SASS6: variants seen among roughly 807,000 people sequenced by gnomAD.
SASS6 encodes SAS-6 centriolar assembly protein.
A neutral mutation model predicts 94.9 loss-of-function variants in SASS6; 59 were observed. The ratio of observed to expected loss-of-function variants is 0.62; its 90% CI spans 0.50 to 0.77. SASS6 has a LOEUF of 0.77. Among genes scored for constraint, SASS6 ranks in the 30% least tolerant of loss-of-function variants. SASS6 has a pLI of 0.00. For synonymous variants in SASS6, 264 were observed against 270.0 expected, an observed-to-expected ratio of 0.98 and a Z score of 0.22; for missense variants, 698 against 734.1, an observed-to-expected ratio of 0.95 and a Z score of 0.57.
chr1:100,122,666 C>A (rs1654293751), intron 3 of SASS6, among the ~76,000 whole-genome samples, 182 bp from the exon 4 acceptor site: 1 of 145,594 alleles, frequency 6.9e-6, no homozygotes, highest in Non-Finnish European at 1.5e-5. Flanking sequence ...GATTCTCCTT[C>A]CTCAGCCTCC....
At chr1:100,125,594 G>A (rs1186263904) in intron 2 of SASS6, among the ~76,000 whole-genome samples, 2 of 143,086 alleles carry the variant, frequency 1.4e-5, no homozygotes, top group Non-Finnish European at 3.0e-5. Context: ...CAGGAGAATT[G>A]TTTGAACCCG....
At chr1:100,099,888 T>C (rs1392051683) in intron 14 of SASS6, among the ~76,000 whole-genome samples, 1 of 152,090 alleles carries the variant, frequency 6.6e-6, no homozygotes, top group Non-Finnish European at 1.5e-5. Context: ...AAAAGATAAA[T>C]CAATCATCTG....
Position 100,122,439 on chromosome 1 carries a change from TG to T in SASS6, c.251del (p.Pro84HisfsTer5). On this transcript the variant is annotated frameshift_variant, in exon 4 of 17. Transcript: ENST00000287482. LOFTEE classifies it high-confidence loss of function. The part of the protein sequence containing the change: ...QGLLVDFLAF[P>X]QKFIDLLQQC... ...GCTGAAGGAGATCTATAAATTTTTG[TG>T]GGAAAGCTAAGAAGTCTACCAGAAG... 1 of 1,589,122 alleles carries T rather than the reference TG, an allele frequency of 6.3e-7. No individual in the cohort carries two copies. The highest frequency in any genetic ancestry group is 8.6e-7 in the Non-Finnish European group (1 of 1,158,594).
chr1:100,128,090 G>A (rs934443062), intron 1 of SASS6, among the ~76,000 whole-genome samples: 5 of 152,018 alleles, frequency 3.3e-5, no homozygotes, highest in African/African-American at 1.2e-4. Flanking sequence ...AGTCTGGAGT[G>A]CAATGGTGCG....
At position 100,128,030 on chromosome 1, in the gene SASS6, A is replaced by ATTAT. The variant is rs546781592; in HGVS notation, c.66-2092_66-2089dup. 2.4e-4 allele frequency among the ~76,000 whole-genome samples: 36 copies of ATTAT among 151,600 alleles called. 1 individual carries two copies. The highest frequency in any genetic ancestry group is 1.0e-3 in the South Asian group (5 of 4,792). On this transcript the variant is annotated intron_variant, in intron 1 of 16. Transcript: ENST00000287482. ...TGCTTTACAGTTTATTTTTATTTTA[A>ATTAT]TTATTTATTTATTTATTTATTTTTG... is the stretch of plus-strand genomic sequence containing the variant.
At chr1:100,100,863 T>G (rs755397095) in intron 14 of SASS6, among the ~76,000 whole-genome samples, 8 of 152,230 alleles carry the variant, frequency 5.3e-5, no homozygotes, top group Non-Finnish European at 8.8e-5. Flanking sequence ...AAAGTGGGTC[T>G]TTGAGTCGGG....
chr1:100,084,266 T>C lies in SASS6; in HGVS notation c.*1062A>G, dbSNP rs1192422714. 6.6e-6 allele frequency: 1 copy of C among 152,052 alleles called. No individual in the cohort carries two copies. Among genetic ancestry groups the C allele is most frequent in the East Asian group, 1.9e-4 (1 of 5,204 alleles). 9.4% of individuals were successfully genotyped at this position (152,052 alleles called of 1,614,324 possible). ...AGTAGTTGAAAATAATTTTAAATTA[T>C]CACATGAGCATTAGTACTTTATAAA... On this transcript the variant is annotated 3_prime_UTR_variant, in exon 17 of 17. Coordinates refer to ENST00000287482, the MANE Select transcript of SASS6 (RefSeq NM_194292.3).
At chr1:100,120,500 A>G (rs1275477214) in intron 5 of SASS6, 41 bp from the exon 6 acceptor site, 1 of 897,598 alleles carries the variant, frequency 1.1e-6, no homozygotes, top group Admixed American at 1.8e-5. Context: ...TTACAATGTA[A>G]TCATCTATAG....
At chr1:100,108,407 G>A (rs1350463091) in intron 8 of SASS6, among the ~76,000 whole-genome samples, 2 of 151,992 alleles carry the variant, frequency 1.3e-5, no homozygotes. Flanking sequence ...TTGATACTCT[G>A]CAGTTTATAA....
chr1:100,088,219 C>G lies in SASS6; in HGVS notation c.1692G>C (p.Gln564His). 1 of 1,589,068 alleles carries G rather than the reference C, an allele frequency of 6.3e-7. No individual in the cohort carries two copies. Among genetic ancestry groups the G allele is most frequent in the African/African-American group, 1.3e-5 (1 of 74,510 alleles). ...CTAGTGATGCATTTGGTTTTGTAAA[C>G]TGCAAATTAAACTGAACCTGTGAGA... ...GSGTKVQFNL[Q>H]FTKPNASLGD... The change falls in exon 15 of 17, where the codon CAG becomes CAC. Residue 564 changes from glutamine to histidine, a missense_variant. Physicochemically the swap from Gln to His is conservative, Grantham distance 24. Transcript: ENST00000287482.
chr1:100,102,051 A>AGTG (rs1652531444), intron 14 of SASS6, among the ~76,000 whole-genome samples: 1 of 152,216 alleles, frequency 6.6e-6, no homozygotes, highest in Admixed American at 6.5e-5. Flanking sequence ...AAATAAAAGC[A>AGTG]GTGACTGGTC....
chr1:100,086,380 TAAAA>T (rs933758214), intron 15 of SASS6, among the ~76,000 whole-genome samples: 1 of 152,054 alleles, frequency 6.6e-6, no homozygotes, highest in African/African-American at 2.4e-5. Context: ...AGCTGACAAA[TAAAA>T]GAACCAGAAA....
Position 100,085,542 on chromosome 1 carries a change from T to C in SASS6, c.1861A>G (p.Asn621Asp). The C allele has an allele frequency of 6.2e-7, 1 of 1,609,966 alleles. No individual in the cohort carries two copies. Among genetic ancestry groups the C allele is most frequent in the Non-Finnish European group, 8.5e-7 (1 of 1,176,546 alleles). Reference protein sequence around the residue: ...LRGLSQNLFSNSDHQRDGTLG... With the variant: ...LRGLSQNLFSDSDHQRDGTLG... ...TCCAGAAATCCCTGCTTACCTGAAT[T>C]ACTAAATAGGTTCTGGCTGAGTCCG... is the stretch of plus-strand genomic sequence containing the variant. Residue 621 changes from asparagine (N) to aspartate (D), a missense_variant, in exon 16 of 17, where the codon AAT becomes GAT. Coordinates refer to ENST00000287482, the MANE Select transcript of SASS6 (RefSeq NM_194292.3).
intron 6 of SASS6, among the ~76,000 whole-genome samples, chr1:100,120,009 G>A (rs1377808070): frequency 6.6e-6 from 1 of 152,202 alleles, no homozygotes; most frequent in African/African-American, 2.4e-5. Context: ...AAGCCTATCA[G>A]AGGAATTAAT....
rs2101631895 is a variant in SASS6 at position 100,085,044 on chromosome 1, A to T, written c.*284T>A. 1 of 303,628 alleles carries T rather than the reference A, an allele frequency of 3.3e-6. No individual in the cohort carries two copies. The highest frequency in any genetic ancestry group is 4.4e-5 in the Admixed American group (1 of 22,496). 18.8% of individuals were successfully genotyped at this position (303,628 alleles called of 1,614,324 possible). ...CCTCATAAGGATCAACTCTTTCCTTAGAACTGAATTTCTAAAGAATAGCTT... is the reference window on the plus strand; with the variant it reads ...CCTCATAAGGATCAACTCTTTCCTTTGAACTGAATTTCTAAAGAATAGCTT... On this transcript the variant is annotated 3_prime_UTR_variant, in exon 17 of 17. Coordinates refer to ENST00000287482, the MANE Select transcript of SASS6 (RefSeq NM_194292.3).
At chr1:100,129,265 C>A (rs115191769) in intron 1 of SASS6, among the ~76,000 whole-genome samples, 2,419 of 151,094 alleles carry the variant, frequency 0.016, 32 homozygotes, top group Non-Finnish European at 0.022. Context: ...AATTTTTGAA[C>A]ATAGGATGAC....
intron 14 of SASS6, among the ~76,000 whole-genome samples, chr1:100,096,035 T>A (rs895702924): frequency 1.3e-5 from 2 of 152,216 alleles, no homozygotes; most frequent in African/African-American, 4.8e-5. Context: ...ACAAACCATT[T>A]TGTAGAAATT....
At chr1:100,124,484 G>T (rs1402238813) in intron 2 of SASS6, among the ~76,000 whole-genome samples, 1 of 152,166 alleles carries the variant, frequency 6.6e-6, no homozygotes, top group Non-Finnish European at 1.5e-5. Context: ...AGTCTCAAGT[G>T]ATCCTTCCAC....
rs767904756 is a variant in SASS6 at position 100,120,421 on chromosome 1, A to G, written c.522T>C (p.Ala174=). 1.5e-5 allele frequency: 23 copies of G among 1,524,926 alleles called. No homozygotes were observed. The East Asian group carries it at 5.2e-4, about 34-fold the overall frequency. 94.5% of individuals were successfully genotyped at this position (1,524,926 alleles called of 1,614,324 possible). The change falls in exon 6 of 17, where the codon GCT becomes GCC. Residue 174 remains alanine (A), a synonymous_variant. Transcript: ENST00000287482. The stretch of plus-strand genomic sequence containing the variant: ...TTCGTGTAAAGTCCAGTTGCTTAGT[A>G]GCATCATCTAGTGATTGCATCAATG... ...KLSLMQSLDD[A]TKQLDFTRKT...
Sources: gnomAD v4.1 joint callset for allele counts (sites outside exome capture counted in the v4.1 genomes callset) on GRCh38, gnomAD v4.1.1 for gene constraint, MANE v1.5 for transcripts, NCBI Gene and HGNC (gene_info 2026-07-23, HGNC 2026-07-21) for gene names.